ABR: variants seen among roughly 807,000 people sequenced by gnomAD.
The protein encoded by ABR is ABR activator of RhoGEF and GTPase.
Under a neutral mutation model 107.2 loss-of-function variants are expected in ABR, and 35 were observed. The ratio of observed to expected loss-of-function variants is 0.33; its 90% CI spans 0.25 to 0.43. The LOEUF is 0.43. Ranked by LOEUF, ABR falls within the 20% of genes least tolerant of loss-of-function variation. The pLI, the probability that ABR is intolerant of heterozygous loss-of-function variation, is 1.00. For synonymous variants in ABR, 498 were observed against 462.0 expected, an observed-to-expected ratio of 1.08 and a Z score of -1.00; for missense variants, 815 against 1,115.2, an observed-to-expected ratio of 0.73 and a Z score of 3.83.
chr17:1,195,297 ACTGT>A (rs2042534816), intron 1 of ABR, among the ~76,000 whole-genome samples: 1 of 137,452 alleles, frequency 7.3e-6, no homozygotes, highest in South Asian at 2.6e-4. Context: ...ACAGAATGAG[ACTGT>A]CTCAAAAAAA....
At chr17:1,048,927 G>C (rs79507477) in intron 16 of ABR, among the ~76,000 whole-genome samples, 2,002 of 152,276 alleles carry the variant, frequency 0.013, 46 homozygotes, top group African/African-American at 0.046. Context: ...CATGGTCACA[G>C]AATCTACCCC....
chr17:1,031,347 C>G (rs933926836), intron 16 of ABR, among the ~76,000 whole-genome samples: 1 of 152,274 alleles, frequency 6.6e-6, no homozygotes, highest in East Asian at 1.9e-4. Context: ...GTCCACCTGC[C>G]GAGAAGAAAC....
At chr17:1,026,539 C>T (rs1173904128) in intron 16 of ABR, among the ~76,000 whole-genome samples, 1 of 152,174 alleles carries the variant, frequency 6.6e-6, no homozygotes, top group Non-Finnish European at 1.5e-5. Flanking sequence ...ATCCTGGGGC[C>T]TCCTGGCCTC....
chr17:1,125,991 C>A (rs1204077728), intron 1 of ABR, among the ~76,000 whole-genome samples: 1 of 152,150 alleles, frequency 6.6e-6, no homozygotes, highest in East Asian at 1.9e-4. Context: ...ACAGCAGACT[C>A]CTCGGAGCCG....
At chr17:1,209,036 A>AGAATTTT (rs2042853040) in intron 1 of ABR, among the ~76,000 whole-genome samples, 1 of 152,140 alleles carries the variant, frequency 6.6e-6, no homozygotes, top group Non-Finnish European at 1.5e-5. Flanking sequence ...CTCCTGAAGC[A>AGAATTTT]GAATTTTGAA....
At position 1,005,329 on chromosome 17, in the gene ABR, C is replaced by T. The variant is rs1164460206; in HGVS notation, c.*751G>A. 20 of 395,946 alleles carry T rather than the reference C, an allele frequency of 5.1e-5. No homozygotes were observed. The East Asian group carries it at 6.4e-4, about 13-fold the overall frequency. 24.5% of individuals were successfully genotyped at this position (395,946 alleles called of 1,614,324 possible). A position where few individuals can be genotyped will look rare whatever the true frequency, so the allele number is the denominator to read the frequency against. On this transcript the variant is annotated 3_prime_UTR_variant, in exon 23 of 23. Transcript: ENST00000302538. ...GGTAAACCCCAGAAGTGGAGATTCC[C>T]AAACGGAAAATTCCAGAAATGGGCG...
intron 1 of ABR, among the ~76,000 whole-genome samples, chr17:1,171,746 A>G (rs528176536): frequency 2.2e-4 from 33 of 152,320 alleles, no homozygotes; most frequent in African/African-American, 7.9e-4. Context: ...AGCCTGATCA[A>G]CATGGAGAAA....
intron 10 of ABR, among the ~76,000 whole-genome samples, chr17:1,062,879 A>C (rs1279439721): frequency 1.2e-4 from 16 of 136,162 alleles, no homozygotes; most frequent in African/African-American, 3.2e-4. Context: ...AGACACTGTT[A>C]TGTGAACTGA....
chr17:1,219,223 T>C (rs2043070155), intron 1 of ABR, among the ~76,000 whole-genome samples: 1 of 151,912 alleles, frequency 6.6e-6, no homozygotes, highest in African/African-American at 2.4e-5. Context: ...TTGTTTTTTT[T>C]AGTAGAGATG....
chr17:1,204,889 CTTTT>C (rs1325363931), intron 1 of ABR, among the ~76,000 whole-genome samples: 14 of 126,742 alleles, frequency 1.1e-4, no homozygotes, highest in Admixed American at 1.9e-4. Context: ...TTTTTCTTTT[CTTTT>C]TCTTTTTCTT....
Position 1,073,693 on chromosome 17 carries a change from G to T in ABR, c.701-16C>A, listed in dbSNP as rs1422961764. ...TAGAGCAGAGCTGTCGGGGGAGACA[G>T]GGAGAAGGAGGAAGAGGATGATGGA... On this transcript the variant is annotated splice_polypyrimidine_tract_variant and intron_variant, in intron 6 of 22. Transcript: ENST00000302538. 6.3e-7 allele frequency: 1 copy of T among 1,597,754 alleles called. No individual in the cohort carries two copies. Among genetic ancestry groups the T allele is most frequent in the South Asian group, 1.1e-5 (1 of 88,748 alleles).
chr17:1,092,184 G>A lies in ABR; in HGVS notation c.346-334C>T, dbSNP rs1232002286. ...TTTCTTCCACGATAGCCTGTGCCCC[G>A]AGTCATAAGCTCCTTGTCACACTTC... On this transcript the variant is annotated intron_variant, in intron 3 of 22. Coordinates refer to ENST00000302538, the MANE Select transcript of ABR (RefSeq NM_021962.5). The surrounding 1 kb of genome is among the most constrained non-coding windows in gnomAD (Gnocchi z 4.6). 1.3e-5 allele frequency among the ~76,000 whole-genome samples: 2 copies of A among 152,190 alleles called. No homozygotes were observed. The highest frequency in any genetic ancestry group is 6.5e-5 in the Admixed American group (1 of 15,284).
At chr17:1,203,834 G>C (rs913893201) in intron 1 of ABR, among the ~76,000 whole-genome samples, 1 of 152,192 alleles carries the variant, frequency 6.6e-6, no homozygotes, top group African/African-American at 2.4e-5. Context: ...AGGGGGTGTG[G>C]CGTGAGTGTG....
rs934782864 is a variant in ABR, at chr17:1,122,864, G to A, written c.246+2319C>T. On this transcript the variant is annotated intron_variant, in intron 2 of 22. Transcript: ENST00000302538. ...CTTCCCGTTGGCTGCATATTTGGGC[G>A]TGGAAGGCCCAGCGATAAGGCGGTG... is the stretch of plus-strand genomic sequence containing the variant. 5.3e-5 allele frequency among the ~76,000 whole-genome samples: 8 copies of A among 152,314 alleles called. No individual in the cohort carries two copies. In the South Asian group the frequency reaches 6.2e-4, roughly 12 times the overall value.
chr17:1,033,978 T>C (rs2072992411), intron 16 of ABR, among the ~76,000 whole-genome samples: 1 of 150,410 alleles, frequency 6.6e-6, no homozygotes, highest in South Asian at 2.1e-4. Flanking sequence ...CATTTTTTTT[T>C]TTTTTTTTTT....
intron 16 of ABR, among the ~76,000 whole-genome samples, chr17:1,036,694 G>T (rs189045453): frequency 2.6e-5 from 4 of 152,266 alleles, no homozygotes; most frequent in African/African-American, 9.6e-5. Context: ...TCCGGGGACA[G>T]CTGTGGGGGA....
intron 1 of ABR, among the ~76,000 whole-genome samples, chr17:1,153,387 A>AGGGCTGGGGG (rs1567833017): frequency 9.6e-6 from 1 of 103,716 alleles, no homozygotes; most frequent in African/African-American, 3.5e-5. Context: ...AGGGCTGGGG[A>AGGGCTGGGGG]TCCAGGCACA....
chr17:1,091,249 C>G (rs959631360), intron 4 of ABR, among the ~76,000 whole-genome samples: 1 of 152,124 alleles, frequency 6.6e-6, no homozygotes, highest in Non-Finnish European at 1.5e-5. Flanking sequence ...CAGCAAGAAG[C>G]CTTCATTCCA....
rs2042658303 is a variant in ABR, at chr17:1,200,842, A to G, written c.838+27951T>C. On this transcript the variant is annotated intron_variant, in intron 1 of 22. Transcript: ENST00000574139. This position sits in a 1 kb window ranked among gnomAD's most constrained non-coding sequence, Gnocchi z 4.1. ...ATAAAGCCTCATCTATAACATCCCC[A>G]GTAAAAAGCTGAGAATTGCTCCTGA... Among the ~76,000 whole-genome samples the G allele has an allele frequency of 6.6e-6, 1 of 152,066 alleles. No homozygotes were observed. Among genetic ancestry groups the G allele is most frequent in the Non-Finnish European group, 1.5e-5 (1 of 68,022 alleles).
Sources: allele counts gnomAD v4.1 joint callset (sites outside exome capture counted in the v4.1 genomes callset), GRCh38; gene constraint gnomAD v4.1.1; non-coding constraint Gnocchi (gnomAD v3.1); transcripts MANE v1.5; gene names NCBI Gene and HGNC (gene_info 2026-07-23, HGNC 2026-07-21).